PCCA: variants seen among roughly 807,000 people sequenced by gnomAD.
PCCA encodes the protein propionyl-CoA carboxylase subunit alpha.
A neutral mutation model predicts 101.3 loss-of-function variants in PCCA; 74 were observed. That is an observed-to-expected ratio of 0.73 (90% confidence interval 0.61 to 0.89). The LOEUF (loss-of-function observed/expected upper bound fraction) is 0.89. PCCA is among the 40% of genes least tolerant of loss of function. The pLI, the probability that PCCA is intolerant of heterozygous loss-of-function variation, is 0.00. For synonymous variants in PCCA, 294 were observed against 313.6 expected (o/e 0.94, Z 0.66); for missense variants, 891 against 907.0 (o/e 0.98, Z 0.23).
At chr13:100,276,213 C>A (rs1396038584) in intron 12 of PCCA, among the ~76,000 whole-genome samples, 8 of 102,138 alleles carry the variant, frequency 7.8e-5, no homozygotes, top group South Asian at 2.7e-4. Flanking sequence ...TTGTCTGTAC[C>A]AAAAAAAAAA....
At chr13:100,112,158 A>G (rs2048376874) in intron 4 of PCCA, 97 bp downstream of exon 4, 2 of 827,962 alleles carry the variant, frequency 2.4e-6, no homozygotes, top group East Asian at 2.6e-5. Context: ...TGCACAAGAT[A>G]CATTCAAGTT....
intron 4 of PCCA, among the ~76,000 whole-genome samples, chr13:100,113,502 A>G (rs577762616): frequency 6.6e-6 from 1 of 152,284 alleles, no homozygotes; most frequent in East Asian, 1.9e-4. Flanking sequence ...TCTTTCTTCA[A>G]TAATAAATTA....
At chr13:100,467,511 C>T (rs1027021209) in intron 21 of PCCA, among the ~76,000 whole-genome samples, 9 of 152,176 alleles carry the variant, frequency 5.9e-5, no homozygotes, top group African/African-American at 2.2e-4. Context: ...GCTGGGACTA[C>T]AGGTGCCCGC....
intron 19 of PCCA, among the ~76,000 whole-genome samples, chr13:100,399,058 A>G (rs1376933756): frequency 6.6e-6 from 1 of 152,108 alleles, no homozygotes; most frequent in East Asian, 1.9e-4. Context: ...TGAGGTATTC[A>G]TGGTTTTTTC....
chr13:100,341,621 A>G (rs976109797), intron 18 of PCCA, among the ~76,000 whole-genome samples: 12 of 152,178 alleles, frequency 7.9e-5, no homozygotes, highest in African/African-American at 2.9e-4. Flanking sequence ...TCTGTTGGAC[A>G]GCATTTGTCT....
chr13:100,269,915 G>T (rs1322226896), intron 11 of PCCA, among the ~76,000 whole-genome samples: 1 of 152,132 alleles, frequency 6.6e-6, no homozygotes, highest in African/African-American at 2.4e-5. Flanking sequence ...TGAGGGGAAG[G>T]ATCATTGTTC....
In PCCA at chr13:100,148,384, A is replaced by C. The variant is rs1594368727; in HGVS notation, c.301-6595A>C. 3.9e-5 allele frequency among the ~76,000 whole-genome samples: 6 copies of C among 152,128 alleles called. No individual in the cohort carries two copies. The Middle Eastern group carries it at 0.02, about 517-fold the overall frequency. On this transcript the variant is annotated intron_variant, in intron 4 of 23. Transcript: ENST00000376285. ...TCACTCTGCCTCTCCTACTCTTTAC[A>C]TCCAGCCATATGTACAGTCCTCACC...
At chr13:100,525,461 C>T (rs948138054) in intron 22 of PCCA, among the ~76,000 whole-genome samples, 2 of 152,256 alleles carry the variant, frequency 1.3e-5, no homozygotes, top group Non-Finnish European at 2.9e-5. Context: ...CCTTAAGCTC[C>T]TGTCCACCAC....
chr13:100,483,217 A>C (rs546451012), intron 21 of PCCA, among the ~76,000 whole-genome samples: 15 of 152,258 alleles, frequency 9.9e-5, no homozygotes, highest in African/African-American at 3.6e-4. Context: ...AATACCATCT[A>C]AGTCTTTCTA....
At chr13:100,217,526 A>G (rs1305207484) in intron 7 of PCCA, among the ~76,000 whole-genome samples, 1 of 152,132 alleles carries the variant, frequency 6.6e-6, no homozygotes, top group African/African-American at 2.4e-5. Flanking sequence ...ATTGGACTCA[A>G]CCAAGCAAAA....
intron 4 of PCCA, among the ~76,000 whole-genome samples, chr13:100,121,315 G>A (rs2049362589): frequency 6.6e-6 from 1 of 151,128 alleles, no homozygotes; most frequent in African/African-American, 2.4e-5. Context: ...GCGCCACCAC[G>A]CACAGCTAAT....
At chr13:100,207,383 T>G (rs2058924715) in intron 6 of PCCA, among the ~76,000 whole-genome samples, 1 of 152,060 alleles carries the variant, frequency 6.6e-6, no homozygotes, top group South Asian at 2.1e-4. Context: ...AACTTTTATT[T>G]TTGTATTTAT....
At chr13:100,304,361 C>T (rs1938524492) in intron 14 of PCCA, among the ~76,000 whole-genome samples, 1 of 152,192 alleles carries the variant, frequency 6.6e-6, no homozygotes, top group South Asian at 2.1e-4. Context: ...AGAGTGCACA[C>T]TAAGCTTTGT....
At chr13:100,396,337 T>G (rs777890974) in intron 19 of PCCA, among the ~76,000 whole-genome samples, 57 of 152,222 alleles carry the variant, frequency 3.7e-4, no homozygotes, top group Non-Finnish European at 7.8e-4. Flanking sequence ...ATAGGGATAG[T>G]ATTCTCCAGG....
chr13:100,388,097 C>T lies in PCCA; in HGVS notation c.1746+19523C>T, dbSNP rs373022783. Among the ~76,000 whole-genome samples the T allele has an allele frequency of 1.1e-3, 165 of 152,304 alleles. 6 individuals carry two copies. In the South Asian group the frequency reaches 0.031, roughly 29 times the overall value. The stretch of plus-strand genomic sequence containing the variant: ...AGTCACCTTTAGTTCAGTTCAGTTT[C>T]ATAAATCTTTATAAAATATTTATAG... On this transcript the variant is annotated intron_variant, in intron 19 of 23. Coordinates refer to ENST00000376285, the MANE Select transcript of PCCA (RefSeq NM_000282.4).
chr13:100,416,512 C>CTGTGTGTG (rs143797850), intron 19 of PCCA, among the ~76,000 whole-genome samples: 35 of 145,488 alleles, frequency 2.4e-4, no homozygotes, highest in Admixed American at 9.6e-4. Flanking sequence ...TTTTAAATAT[C>CTGTGTGTG]TGTGTGTGTG....
intron 21 of PCCA, among the ~76,000 whole-genome samples, chr13:100,472,336 T>C (rs1456722635): frequency 1.3e-5 from 2 of 151,966 alleles, no homozygotes; most frequent in Non-Finnish European, 2.9e-5. Flanking sequence ...GAGAGTTCTC[T>C]GCTTCCTGCC....
intron 4 of PCCA, among the ~76,000 whole-genome samples, chr13:100,128,603 C>T (rs535780151): frequency 2.6e-5 from 4 of 152,164 alleles, no homozygotes; most frequent in African/African-American, 9.6e-5. Context: ...CAGACAAGAC[C>T]GCGTGCGCAA....
intron 16 of PCCA, among the ~76,000 whole-genome samples, chr13:100,327,011 T>G (rs1228219881): frequency 6.6e-6 from 1 of 152,220 alleles, no homozygotes; most frequent in Non-Finnish European, 1.5e-5. Context: ...ATTGTCATTG[T>G]GTACTAGGCT....
Sources: allele counts gnomAD v4.1 joint callset (sites outside exome capture counted in the v4.1 genomes callset), GRCh38; gene constraint gnomAD v4.1.1; transcripts MANE v1.5; gene names NCBI Gene and HGNC (gene_info 2026-07-23, HGNC 2026-07-21).